ARMH1: variants seen among roughly 807,000 people sequenced by gnomAD.
ARMH1 encodes armadillo-like helical domain containing protein 1.
A neutral mutation model predicts 50.2 loss-of-function variants in ARMH1; 34 were observed. That is an observed-to-expected ratio of 0.68 (90% CI 0.51 to 0.90). The LOEUF (loss-of-function observed/expected upper bound fraction) is 0.90. Ranked by LOEUF, ARMH1 falls within the 40% of genes least tolerant of loss-of-function variation. The pLI, the probability that ARMH1 is intolerant of heterozygous loss-of-function variation, is 0.00. For missense variants in ARMH1, 538 were observed against 553.9 expected (o/e 0.97, Z 0.29); for synonymous variants, 221 against 224.2 (o/e 0.99, Z 0.13).
At chr1:44,717,857 C>T (rs149706123) in intron 6 of ARMH1, among the ~76,000 whole-genome samples, 338 of 152,278 alleles carry the variant, frequency 2.2e-3, no homozygotes, top group African/African-American at 7.8e-3. Flanking sequence ...GTAACTAGCA[C>T]GATATATAAA....
At chr1:44,680,409 T>A (rs368783692) in intron 1 of ARMH1, among the ~76,000 whole-genome samples, 1 of 152,204 alleles carries the variant, frequency 6.6e-6, no homozygotes, top group Admixed American at 6.5e-5. Context: ...ACTCCTGACC[T>A]CATGATCCAC....
At chr1:44,694,093 A>G (rs1172449301) in intron 2 of ARMH1, among the ~76,000 whole-genome samples, 1 of 152,242 alleles carries the variant, frequency 6.6e-6, no homozygotes, top group Non-Finnish European at 1.5e-5. Flanking sequence ...AGTGCCAATC[A>G]TAGTGCCTAA....
At chr1:44,698,860 AT>A (rs1487563636) in intron 4 of ARMH1, among the ~76,000 whole-genome samples, 2 of 147,274 alleles carry the variant, frequency 1.4e-5, no homozygotes, top group East Asian at 4.2e-4. Context: ...AAGAAATAAA[AT>A]TGAAGGCCAG....
intron 6 of ARMH1, among the ~76,000 whole-genome samples, chr1:44,705,347 G>T (rs1478413722): frequency 6.6e-6 from 1 of 152,042 alleles, no homozygotes; most frequent in Non-Finnish European, 1.5e-5. Flanking sequence ...AAAAAAATTA[G>T]CCAGGGGTAG....
intron 6 of ARMH1, chr1:44,721,846 C>G (rs541878002): frequency 3.9e-5 from 6 of 152,246 alleles, no homozygotes; most frequent in East Asian, 1.9e-4. Context: ...TTTTTCTCCA[C>G]GGAAATCTTT....
At chr1:44,708,284 C>T (rs555793746) in intron 6 of ARMH1, among the ~76,000 whole-genome samples, 1 of 152,220 alleles carries the variant, frequency 6.6e-6, no homozygotes, top group South Asian at 2.1e-4. Context: ...GAGTGAGGCC[C>T]TAGGATGCTG....
In ARMH1 at chr1:44,724,774, A is replaced by C. The variant is rs776451884; in HGVS notation, c.1063A>C (p.Met355Leu). The C allele has an allele frequency of 1.3e-6, 2 of 1,544,044 alleles. No individual in the cohort carries two copies. The highest frequency in any genetic ancestry group is 8.7e-7 in the Non-Finnish European group (1 of 1,146,652). ...ASLTLECFVQ[M>L]FPLVAEHVRK... ...CCGCGCGGCGCAGTGCTTCGTGCAG[A>C]TGTTCCCCTTGGTGGCGGAGCACGT... The change falls in exon 10 of 12, where the codon ATG becomes CTG. Residue 355 changes from methionine to leucine, a missense_variant. Physicochemically the swap from Met to Leu is conservative, Grantham distance 15. Transcript: ENST00000535358. This position sits in a 1 kb window ranked among gnomAD's most constrained non-coding sequence, Gnocchi z 6.4.
chr1:44,721,889 A>G (rs549686706), intron 6 of ARMH1: 3 of 152,328 alleles, frequency 2.0e-5, no homozygotes, highest in East Asian at 3.9e-4. Context: ...CGTTATGAAG[A>G]GAAACCAGAG....
chr1:44,685,325 T>C (rs2148587285), intron 1 of ARMH1, among the ~76,000 whole-genome samples: 1 of 151,908 alleles, frequency 6.6e-6, no homozygotes, highest in East Asian at 1.9e-4. Flanking sequence ...TTTTTTTTTT[T>C]CGAGACAGGG....
rs907467617 is a variant in ARMH1, at chr1:44,724,956, A to G, written c.1128+117A>G. On this transcript the variant is annotated intron_variant, in intron 10 of 11. Transcript: ENST00000535358. The surrounding 1 kb of genome is among the most constrained non-coding windows in gnomAD (Gnocchi z 6.4). ...CACATGCAGAGTGGACCTGGCCACC[A>G]GCTGCAGGAGGGACTGCTCTGGCGT... 31 of 1,496,480 alleles carry G rather than the reference A, an allele frequency of 2.1e-5. No individual in the cohort carries two copies. Among genetic ancestry groups the G allele is most frequent in the Non-Finnish European group, 2.8e-5 (31 of 1,120,686 alleles). 92.7% of individuals were successfully genotyped at this position (1,496,480 alleles called of 1,614,324 possible). A position where few individuals can be genotyped will look rare whatever the true frequency, so the allele number is the denominator to read the frequency against.
intron 4 of ARMH1, 21 bp downstream of exon 4, chr1:44,698,250 G>T: frequency 6.5e-7 from 1 of 1,542,228 alleles, no homozygotes; most frequent in South Asian, 1.2e-5. Context: ...TGTGTGACAA[G>T]ATGTGTCTCC....
chr1:44,719,024 G>GGA (rs1366764375), intron 6 of ARMH1, among the ~76,000 whole-genome samples: 2 of 78,752 alleles, frequency 2.5e-5, no homozygotes, highest in East Asian at 9.2e-4. Flanking sequence ...AAACTGTCTC[G>GGA]GAAAAAAAAA....
chr1:44,699,143 G>A (rs1176293279), intron 4 of ARMH1, among the ~76,000 whole-genome samples: 3 of 151,910 alleles, frequency 2.0e-5, no homozygotes, highest in African/African-American at 7.2e-5. Flanking sequence ...AAATTCAAAC[G>A]CATGGTGGCA....
In ARMH1 at chr1:44,689,872, C is replaced by G; in HGVS notation, c.175C>G (p.Leu59Val). 1 of 1,551,066 alleles carries G rather than the reference C, an allele frequency of 6.4e-7. No homozygotes were observed. Among genetic ancestry groups the G allele is most frequent in the Non-Finnish European group, 8.7e-7 (1 of 1,146,970 alleles). ...GTTTTCCCAGGGAGCCAGTTTGTTC[C>G]TGGTACGCTTGACCACCTCGCTTAG... Reference protein sequence around the residue: ...QEFSQGASLFLVRLTTSLRIT... With the variant: ...QEFSQGASLFVVRLTTSLRIT... Residue 59 changes from leucine to valine, a missense_variant, in exon 2 of 12, where the codon CTG becomes GTG. Leu to Val is a conservative substitution (Grantham distance 32, BLOSUM62 1). Coordinates refer to ENST00000535358, the MANE Select transcript of ARMH1 (RefSeq NM_001145636.2).
intron 6 of ARMH1, among the ~76,000 whole-genome samples, chr1:44,713,097 C>CTTTT (rs538780455): frequency 5.9e-5 from 7 of 118,854 alleles, no homozygotes; most frequent in Admixed American, 9.0e-5. Flanking sequence ...TGCGCCCGGC[C>CTTTT]TTTTTTTTTT....
chr1:44,714,729 G>A lies in ARMH1; in HGVS notation c.725-9393G>A, dbSNP rs901588785. Among the ~76,000 whole-genome samples the A allele has an allele frequency of 2.6e-5, 4 of 152,108 alleles. No individual in the cohort carries two copies. The Middle Eastern group carries it at 0.01, about 388-fold the overall frequency. ...GTCACCTAGGCTGGAGTGCAGTGGC[G>A]CATGCACGGCTCACTGCAGCCTCAA... On this transcript the variant is annotated intron_variant, in intron 6 of 11. Transcript: ENST00000535358.
chr1:44,694,432 A>G (rs920711841), intron 2 of ARMH1, among the ~76,000 whole-genome samples: 2 of 152,126 alleles, frequency 1.3e-5, no homozygotes, highest in Non-Finnish European at 2.9e-5. Flanking sequence ...GAACTTTCAG[A>G]ATAGATCAGT....
intron 6 of ARMH1, among the ~76,000 whole-genome samples, chr1:44,721,572 C>T (rs11211025): frequency 0.3 from 45,540 of 151,726 alleles, 8,732 homozygotes; most frequent in African/African-American, 0.54. Context: ...GCTAAAAAAA[C>T]ATGACAGTAG....
rs563519172 is a variant in ARMH1 at position 44,710,625 on chromosome 1, A to G, written c.724+6452A>G. On this transcript the variant is annotated intron_variant, in intron 6 of 11. Coordinates refer to ENST00000535358, the MANE Select transcript of ARMH1 (RefSeq NM_001145636.2). ...CTCCGTCTCAAAAAAAAAAAAAAAA[A>G]AAAAGAAAAGAAATTAATCACAGAT... is the stretch of plus-strand genomic sequence containing the variant. Among the ~76,000 whole-genome samples the G allele has an allele frequency of 9.5e-4, 144 of 151,904 alleles. 1 individual carries two copies. The highest frequency in any genetic ancestry group is 3.1e-3 in the African/African-American group (127 of 41,474).
Sources: gnomAD v4.1 joint callset for allele counts (sites outside exome capture counted in the v4.1 genomes callset) on GRCh38, gnomAD v4.1.1 for gene constraint, Gnocchi (gnomAD v3.1) non-coding constraint, MANE v1.5 for transcripts, NCBI Gene and HGNC (gene_info 2026-07-23, HGNC 2026-07-21) for gene names.